Variants in CMC1 observed in about 807,000 individuals in gnomAD.
CMC1 encodes the protein COX assembly mitochondrial protein homolog.
Under a neutral mutation model 14.1 loss-of-function variants are expected in CMC1, and 14 were observed. That is an observed-to-expected ratio of 0.99 (90% CI 0.66 to 1.55). CMC1 has a LOEUF of 1.55. Ranked by LOEUF, CMC1 falls within the 40% of genes most tolerant of loss-of-function variation. The pLI is 0.00. For synonymous variants in CMC1, 50 were observed against 38.4 expected (o/e 1.30, Z -1.12); for missense variants, 127 against 123.8 (o/e 1.03, Z -0.12).
In CMC1 at chr3:28,321,920, G is replaced by T. The variant is rs1703200033; in HGVS notation, c.*2291G>T. On this transcript the variant is annotated 3_prime_UTR_variant, in exon 4 of 4. Coordinates refer to ENST00000466830, the MANE Select transcript of CMC1 (RefSeq NM_182523.2). ...TGTACTGAATTGAACCTTATAAAAA[G>T]AAATCTAAAGATTCCAAAGGAAGCT... 1 of 151,286 alleles carries T rather than the reference G, an allele frequency of 6.6e-6. No individual in the cohort carries two copies. The highest frequency in any genetic ancestry group is 1.5e-5 in the Non-Finnish European group (1 of 67,478). The allele number at this position is 151,286 out of a possible 1,614,324, so 9.4% of individuals were successfully genotyped here. A position where few individuals can be genotyped will look rare whatever the true frequency, so the allele number is the denominator to read the frequency against.
At chr3:28,310,418 A>G (rs1434249391) in intron 2 of CMC1, among the ~76,000 whole-genome samples, 1 of 152,256 alleles carries the variant, frequency 6.6e-6, no homozygotes, top group Non-Finnish European at 1.5e-5. Flanking sequence ...TGAATAAATG[A>G]GAAAATACTT....
At chr3:28,294,505 A>T (rs1267711375) in intron 2 of CMC1, 1 of 942,846 alleles carries the variant, frequency 1.1e-6, no homozygotes, top group Non-Finnish European at 1.3e-6. Flanking sequence ...TAAGTGGACG[A>T]ACTTATATAG....
chr3:28,315,073 G>A (rs1702825345), intron 2 of CMC1: 1 of 152,136 alleles, frequency 6.6e-6, no homozygotes, highest in East Asian at 1.9e-4. Flanking sequence ...GATCTCACTT[G>A]GAAATAGTTG....
In CMC1 at chr3:28,300,710, C is replaced by T. The variant is rs372710045; in HGVS notation, c.110-15623C>T. ...TTCCCTCCCTTTCCCTCCCTCTCAC[C>T]CTCCCTCCTTCCTCCCTCTCTCCCT... On this transcript the variant is annotated intron_variant, in intron 2 of 3. Transcript: ENST00000466830. 5.6e-3 allele frequency among the ~76,000 whole-genome samples: 279 copies of T among 49,702 alleles called. 6 individuals carry two copies. Among genetic ancestry groups the T allele is most frequent in the African/African-American group, 0.017 (213 of 12,762 alleles). The allele number at this position is 49,702 out of a possible 152,430, so 32.6% of individuals were successfully genotyped here.
At chr3:28,282,101 T>C (rs1700928683) in intron 2 of CMC1, among the ~76,000 whole-genome samples, 1 of 152,226 alleles carries the variant, frequency 6.6e-6, no homozygotes, top group South Asian at 2.1e-4. Flanking sequence ...CCTCTTTCTC[T>C]TCTGTGTATT....
intron 1 of CMC1, among the ~76,000 whole-genome samples, chr3:28,248,420 C>A (rs930687234): frequency 2.0e-5 from 3 of 152,132 alleles, no homozygotes; most frequent in Non-Finnish European, 2.9e-5. Flanking sequence ...TTGTCATTAA[C>A]CTGTCCTTAA....
intron 3 of CMC1, chr3:28,317,384 C>A (rs911824096): frequency 1.3e-5 from 2 of 151,572 alleles, no homozygotes; most frequent in African/African-American, 2.4e-5. Flanking sequence ...TATTTATGGT[C>A]CAGGTATTGT....
intron 2 of CMC1, among the ~76,000 whole-genome samples, chr3:28,311,534 A>G (rs1343537931): frequency 1.3e-5 from 2 of 152,168 alleles, no homozygotes; most frequent in South Asian, 2.1e-4. Flanking sequence ...CAAAAATACT[A>G]TCTTCATTGT....
chr3:28,310,222 A>G (rs982709448), intron 2 of CMC1, among the ~76,000 whole-genome samples: 2 of 152,218 alleles, frequency 1.3e-5, no homozygotes, highest in African/African-American at 4.8e-5. Flanking sequence ...TGCCCAGAGC[A>G]GGTATCAACT....
chr3:28,253,416 A>T (rs1280974088), intron 1 of CMC1, among the ~76,000 whole-genome samples: 2 of 152,126 alleles, frequency 1.3e-5, no homozygotes, highest in Non-Finnish European at 2.9e-5. Flanking sequence ...ATCTCTATAA[A>T]GTACACATAA....
chr3:28,278,117 G>A (rs1700688802), intron 2 of CMC1, among the ~76,000 whole-genome samples: 2 of 101,882 alleles, frequency 2.0e-5, no homozygotes, highest in African/African-American at 7.6e-5. Flanking sequence ...TGGTGGACTG[G>A]AGGGGTGGTA....
intron 2 of CMC1, chr3:28,315,240 A>G (rs1413583833): frequency 1.3e-5 from 2 of 152,228 alleles, no homozygotes; most frequent in Non-Finnish European, 2.9e-5. Context: ...TCTGACCCAA[A>G]GCAAACACAA....
Position 28,322,082 on chromosome 3 carries a change from T to C in CMC1, c.*2453T>C, listed in dbSNP as rs929211610. On this transcript the variant is annotated 3_prime_UTR_variant, in exon 4 of 4. Transcript: ENST00000466830. ...TAGAACAGAGATATCAAGTGTAGAT[T>C]TAAAAGCTTCTAGCTGGGTAAAAAA... The C allele has an allele frequency of 3.3e-5, 5 of 150,904 alleles. No homozygotes were observed. Among genetic ancestry groups the C allele is most frequent in the Admixed American group, 2.0e-4 (3 of 15,086 alleles). The allele number at this position is 150,904 out of a possible 1,614,324, so 9.3% of individuals were successfully genotyped here.
chr3:28,257,220 A>G (rs1483877979), intron 1 of CMC1, among the ~76,000 whole-genome samples: 2 of 152,302 alleles, frequency 1.3e-5, no homozygotes, highest in East Asian at 3.9e-4. Context: ...TCATAAATGT[A>G]TATATCCTAA....
chr3:28,262,860 T>G (rs1699804239), intron 1 of CMC1, among the ~76,000 whole-genome samples: 1 of 152,130 alleles, frequency 6.6e-6, no homozygotes, highest in East Asian at 1.9e-4. Flanking sequence ...TGTTAGTTCT[T>G]TTTTAGGCTA....
At chr3:28,280,660 T>C (rs1157361202) in intron 2 of CMC1, among the ~76,000 whole-genome samples, 1 of 152,182 alleles carries the variant, frequency 6.6e-6, no homozygotes, top group African/African-American at 2.4e-5. Context: ...AGATGTACAA[T>C]AAAATATGCA....
intron 2 of CMC1, among the ~76,000 whole-genome samples, chr3:28,288,007 G>C (rs901585988): frequency 2.0e-5 from 3 of 151,834 alleles, no homozygotes; most frequent in Non-Finnish European, 4.4e-5. Context: ...AGTGGTACTA[G>C]CCACATTTCA....
chr3:28,314,174 C>T (rs1000371374), intron 2 of CMC1, among the ~76,000 whole-genome samples: 1 of 152,078 alleles, frequency 6.6e-6, no homozygotes, highest in Non-Finnish European at 1.5e-5. Context: ...TATTTGGGAT[C>T]GTAGTCTTTG....
intron 2 of CMC1, among the ~76,000 whole-genome samples, chr3:28,299,224 G>A (rs1239733698): frequency 6.6e-6 from 1 of 152,060 alleles, no homozygotes; most frequent in African/African-American, 2.4e-5. Flanking sequence ...TGGTAGAGTA[G>A]AATAGAAAAT....
Sources: allele counts gnomAD v4.1 joint callset (sites outside exome capture counted in the v4.1 genomes callset), GRCh38; gene constraint gnomAD v4.1.1; transcripts MANE v1.5; gene names NCBI Gene and HGNC (gene_info 2026-07-23, HGNC 2026-07-21).